POLM: variants seen among roughly 807,000 people sequenced by gnomAD.
POLM encodes the protein DNA-directed DNA/RNA polymerase mu.
A neutral mutation model predicts 56.7 loss-of-function variants in POLM; 52 were observed. The ratio of observed to expected loss-of-function variants is 0.92; its 90% confidence interval spans 0.73 to 1.15. POLM has a LOEUF of 1.15. Among genes scored for constraint, POLM ranks in the 50% most tolerant of loss-of-function variants. POLM has a pLI of 0.00. For missense variants in POLM, 660 were observed against 663.6 expected (o/e 0.99, Z 0.06); for synonymous variants, 273 against 274.3 (o/e 1.00, Z 0.05).
Position 44,079,738 on chromosome 7 carries a change from C to G in POLM, c.475G>C (p.Ala159Pro). The G allele has an allele frequency of 6.2e-7, 1 of 1,608,602 alleles. No homozygotes were observed. The highest frequency in any genetic ancestry group is 1.3e-5 in the African/African-American group (1 of 74,906). ...GCTGCCTCGGCCAGTATCTCCAGAG[C>G]CTCCTGCAGGGAGGGGCCCTAGGTA... is the stretch of plus-strand genomic sequence containing the variant. Reference protein sequence around the residue: ...LTHHNTGLSEALEILAEAAGF... With the variant: ...LTHHNTGLSEPLEILAEAAGF... The change falls in exon 4 of 11, where the codon GCT (alanine) becomes CCT (proline). Residue 159 changes from alanine to proline, a missense_variant. By Grantham distance (27) the Ala-to-Pro change is conservative. Transcript: ENST00000242248.
At chr7:44,079,066 A>G (rs1233741296) in intron 4 of POLM, among the ~76,000 whole-genome samples, 6 of 152,232 alleles carry the variant, frequency 3.9e-5, no homozygotes, top group African/African-American at 1.4e-4. Flanking sequence ...CTGGAGTTAC[A>G]GCAGCTGAGA....
rs755829714 is a variant in POLM at position 44,073,958 on chromosome 7, C to A, written c.1139G>T (p.Ser380Ile). 6.2e-7 allele frequency: 1 copy of A among 1,614,226 alleles called. No homozygotes were observed. The highest frequency in any genetic ancestry group is 1.1e-5 in the South Asian group (1 of 91,090). ...CESPTRLAQQ[S>I]HMDAFERSFC... Reference sequence around the variant, plus strand: ...ACTTCTCTCAAAAGCGTCCATGTGGCTCTGTTGGGCCAGGCGGGTAGGGGA... The same window carrying A: ...ACTTCTCTCAAAAGCGTCCATGTGGATCTGTTGGGCCAGGCGGGTAGGGGA... Residue 380 changes from serine to isoleucine, a missense_variant, in exon 9 of 11, where the codon AGC (serine) becomes ATC (isoleucine). Physicochemically the swap from Ser to Ile is moderately radical, Grantham distance 142. Coordinates refer to ENST00000242248, the MANE Select transcript of POLM (RefSeq NM_013284.4).
chr7:44,080,941 G>A (rs751000167), intron 1 of POLM, 25 bp from the exon 2 acceptor site: 4 of 1,537,732 alleles, frequency 2.6e-6, no homozygotes, highest in African/African-American at 1.4e-5. Context: ...TGGGAGAGAA[G>A]GAGGAGGGTG....
chr7:44,080,963 C>T lies in POLM; in HGVS notation c.189-47G>A, dbSNP rs553807029. The T allele has an allele frequency of 8.0e-6, 12 of 1,497,602 alleles. No individual in the cohort carries two copies. The South Asian group carries it at 1.4e-4, about 18-fold the overall frequency. The allele number at this position is 1,497,602 out of a possible 1,614,324, so 92.8% of individuals were successfully genotyped here. A position where few individuals can be genotyped will look rare whatever the true frequency, so the allele number is the denominator to read the frequency against. On this transcript the variant is annotated intron_variant, in intron 1 of 10. Transcript: ENST00000242248. ...GAAGGAGGAGGGTGAGGCCCAGAGCCCGTCCTGGTTGGCTCCAAGCCTTCA... is the reference window on the plus strand; with the variant it reads ...GAAGGAGGAGGGTGAGGCCCAGAGCTCGTCCTGGTTGGCTCCAAGCCTTCA...
In POLM at chr7:44,073,920, G is replaced by A. The variant is rs932162239; in HGVS notation, c.1177C>T (p.Arg393Cys). The A allele has an allele frequency of 8.1e-6, 13 of 1,614,242 alleles. No homozygotes were observed. Among genetic ancestry groups the A allele is most frequent in the East Asian group, 2.2e-5 (1 of 44,874 alleles). ...DAFERSFCIF[R>C]LPQPPGAAVG... The stretch of plus-strand genomic sequence containing the variant: ...GCAGCCCCTGGAGGTTGTGGTAGGC[G>A]GAAAATGCAGAAACTTCTCTCAAAA... The change falls in exon 9 of 11, where the codon CGC becomes TGC. Residue 393 changes from arginine to cysteine, a missense_variant. Coordinates refer to ENST00000242248, the MANE Select transcript of POLM (RefSeq NM_013284.4).
chr7:44,079,959 C>CAGGTGG lies in POLM; in HGVS notation c.373-1_373insCCACCT (p.Glu124_Val125insProPro). 1 of 1,608,510 alleles carries CAGGTGG rather than the reference C, an allele frequency of 6.2e-7. No individual in the cohort carries two copies. Among genetic ancestry groups the CAGGTGG allele is most frequent in the Non-Finnish European group, 8.5e-7 (1 of 1,175,844 alleles). ...AGAGGCCCCTTCCTTGGCCCAGCCA[C>CAGGTGG]CTGGGGATGGGCAATAAACAGGTCA... On this transcript the variant is annotated inframe_insertion and splice_region_variant. Transcript: ENST00000242248.
In POLM at chr7:44,072,236, C is replaced by T. The variant is rs2096170572; in HGVS notation, c.*1055G>A. ...CCCTACGTGTGCAAAAACTGCACCC[C>T]AAGAGTCAACTTTACTGCATGTTTT... On this transcript the variant is annotated 3_prime_UTR_variant, in exon 11 of 11. Coordinates refer to ENST00000242248, the MANE Select transcript of POLM (RefSeq NM_013284.4). 6.6e-6 allele frequency: 1 copy of T among 152,140 alleles called. No homozygotes were observed. Among genetic ancestry groups the T allele is most frequent in the Non-Finnish European group, 1.5e-5 (1 of 68,034 alleles). The allele number at this position is 152,140 out of a possible 1,614,324, so 9.4% of individuals were successfully genotyped here. A position where few individuals can be genotyped will look rare whatever the true frequency, so the allele number is the denominator to read the frequency against.
rs2096194325 is a variant in POLM at position 44,079,760 on chromosome 7, G to C, written c.472-19C>G. 7 of 1,610,004 alleles carry C rather than the reference G, an allele frequency of 4.3e-6. No individual in the cohort carries two copies. In the East Asian group the frequency reaches 1.6e-4, roughly 36 times the overall value. ...GAGCCTCCTGCAGGGAGGGGCCCTA[G>C]GTAAGGGGCAGGGTGGGCAGCTCCA... On this transcript the variant is annotated intron_variant, in intron 3 of 10. Coordinates refer to ENST00000242248, the MANE Select transcript of POLM (RefSeq NM_013284.4).
At position 44,073,061 on chromosome 7, in the gene POLM, G is replaced by C; in HGVS notation, c.*230C>G. The C allele has an allele frequency of 7.0e-7, 1 of 1,433,106 alleles. No homozygotes were observed. The highest frequency in any genetic ancestry group is 9.1e-7 in the Non-Finnish European group (1 of 1,094,282). 88.8% of individuals were successfully genotyped at this position (1,433,106 alleles called of 1,614,324 possible). ...TGGGGAGGCTAAGAGCAGACCCAGG[G>C]TCACACAGTGATGAGGCTGGCACTG... is the stretch of plus-strand genomic sequence containing the variant. On this transcript the variant is annotated 3_prime_UTR_variant, in exon 11 of 11. Transcript: ENST00000242248.
Position 44,074,195 on chromosome 7 carries a change from G to A in POLM, c.1007C>T (p.Thr336Ile). The change falls in exon 8 of 11, where the codon ACC becomes ATC. Residue 336 changes from threonine to isoleucine, a missense_variant. Coordinates refer to ENST00000242248, the MANE Select transcript of POLM (RefSeq NM_013284.4). ...CGCCTCCTGACCCTCCTTGGGGTGG[G>A]TGATGAGGAAGTCCACGTCATGGCC... ...LQGHDVDFLI[T>I]HPKEGQEAGL... 1 of 1,598,568 alleles carries A rather than the reference G, an allele frequency of 6.3e-7. No homozygotes were observed. Among genetic ancestry groups the A allele is most frequent in the South Asian group, 1.1e-5 (1 of 88,918 alleles).
rs2128804805 is a variant in POLM at position 44,082,427 on chromosome 7, T to C, written c.12A>G (p.Lys4=). Residue 4 remains lysine, a synonymous_variant, in exon 1 of 11, where the codon AAA becomes AAG. Transcript: ENST00000242248. ...GGGACCCGACCCGCGCTCGCCGCCG[T>C]TTGGGGAGCATTGGGACGACAGCCT... is the stretch of plus-strand genomic sequence containing the variant. The part of the protein sequence containing the change: MLP[K]RRRARVGSPS... The C allele has an allele frequency of 6.9e-7, 1 of 1,445,898 alleles. No homozygotes were observed. The highest frequency in any genetic ancestry group is 2.9e-5 in the East Asian group (1 of 34,552). 89.6% of individuals were successfully genotyped at this position (1,445,898 alleles called of 1,614,324 possible).
intron 10 of POLM, 72 bp from the exon 11 acceptor site, chr7:44,073,449 T>C (rs1470757639): frequency 1.3e-6 from 2 of 1,587,612 alleles, no homozygotes; most frequent in Non-Finnish European, 1.7e-6. Flanking sequence ...AGACTGAGGG[T>C]GGGGAAGAGC....
chr7:44,080,958 A>G (rs180827955), intron 1 of POLM, 42 bp from the exon 2 acceptor site: 106 of 1,510,504 alleles, frequency 7.0e-5, no homozygotes, highest in Non-Finnish European at 2.5e-5. Context: ...GGTGAGGCCC[A>G]GAGCCCGTCC....
In POLM at chr7:44,076,646, T is replaced by C. The variant is rs768130092; in HGVS notation, c.715-17A>G. On this transcript the variant is annotated splice_polypyrimidine_tract_variant and intron_variant, in intron 5 of 10. Transcript: ENST00000242248. ...GGTGAAGAGCTGTGGGGAAGGAGCG[T>C]AGCCCGGTTGGGCAGAGCTCTCATG... 3.1e-6 allele frequency: 5 copies of C among 1,612,984 alleles called. No individual in the cohort carries two copies. The highest frequency in any genetic ancestry group is 2.2e-5 in the East Asian group (1 of 44,850).
At chr7:44,080,975 G>T in intron 1 of POLM, 59 bp from the exon 2 acceptor site, 1 of 1,427,076 alleles carries the variant, frequency 7.0e-7, no homozygotes, top group Non-Finnish European at 9.5e-7. Context: ...GTCCTGGTTG[G>T]CTCCAAGCCT....
rs949371302 is a variant in POLM, at chr7:44,079,887, G to A, written c.445C>T (p.Leu149Phe). Residue 149 changes from leucine (L) to phenylalanine (F), a missense_variant, in exon 3 of 11, where the codon CTC becomes TTC. Coordinates refer to ENST00000242248, the MANE Select transcript of POLM (RefSeq NM_013284.4). ...PAYACQRPTP[L>F]THHNTGLSEA... ...GAGAGGCCAGTGTTGTGGTGTGTGAGGGGCGTAGGGCGCTGGCAGGCATAG... is the reference window on the plus strand; with the variant it reads ...GAGAGGCCAGTGTTGTGGTGTGTGAAGGGCGTAGGGCGCTGGCAGGCATAG... 6.8e-6 allele frequency: 11 copies of A among 1,614,046 alleles called. No individual in the cohort carries two copies. The highest frequency in any genetic ancestry group is 9.3e-6 in the Non-Finnish European group (11 of 1,180,014).
intron 5 of POLM, 157 bp from the exon 6 acceptor site, chr7:44,076,786 C>G (rs2096184908): frequency 8.0e-6 from 7 of 878,210 alleles, no homozygotes; most frequent in Non-Finnish European, 1.2e-5. Context: ...AGGATTCAAA[C>G]CTGGAGCCTG....
intron 2 of POLM, chr7:44,080,339 C>T (rs2128803496): frequency 1.8e-6 from 1 of 541,692 alleles, no homozygotes; most frequent in Admixed American, 2.2e-5. Flanking sequence ...GATTTGAAGG[C>T]AGGCAACCTG....
At position 44,073,614 on chromosome 7, in the gene POLM, C is replaced by T. The variant is rs1221703795; in HGVS notation, c.1398+11G>A. Reference sequence around the variant, plus strand: ...GGTGCTGTTTGCTGTCCCCAGTCCCCAACAATGTACCTGCTCCGGGTCAAA... The same window carrying T: ...GGTGCTGTTTGCTGTCCCCAGTCCCTAACAATGTACCTGCTCCGGGTCAAA... On this transcript the variant is annotated intron_variant, in intron 10 of 10. Coordinates refer to ENST00000242248, the MANE Select transcript of POLM (RefSeq NM_013284.4). The T allele has an allele frequency of 2.5e-6, 4 of 1,613,660 alleles. No homozygotes were observed. The highest frequency in any genetic ancestry group is 3.4e-6 in the Non-Finnish European group (4 of 1,179,826).
Sources: gnomAD v4.1 joint callset for allele counts (sites outside exome capture counted in the v4.1 genomes callset) on GRCh38, gnomAD v4.1.1 for gene constraint, MANE v1.5 for transcripts, NCBI Gene and HGNC (gene_info 2026-07-23, HGNC 2026-07-21) for gene names.